The following ZCCHC8 variants were observed in gnomAD, a reference collection of about 807,000 sequenced individuals.
ZCCHC8 encodes zinc finger CCHC-type containing 8.
Under a neutral mutation model 70.6 loss-of-function variants are expected in ZCCHC8, and 27 were observed. That is an observed-to-expected ratio of 0.38 (90% confidence interval 0.28 to 0.53). The LOEUF is 0.53. Ranked by LOEUF, ZCCHC8 falls within the 20% of genes least tolerant of loss-of-function variation. The pLI, the probability that ZCCHC8 is intolerant of heterozygous loss-of-function variation, is 0.81. For missense variants in ZCCHC8, 737 were observed against 876.9 expected, an observed-to-expected ratio of 0.84 and a Z score of 2.01; for synonymous variants, 293 against 317.4, an observed-to-expected ratio of 0.92 and a Z score of 0.82.
intron 5 of ZCCHC8, among the ~76,000 whole-genome samples, chr12:122,486,970 T>A (rs1212659365): frequency 6.6e-6 from 1 of 152,218 alleles, no homozygotes; most frequent in East Asian, 1.9e-4. Flanking sequence ...AACTGAAGCC[T>A]AAGAGCACCT....
At chr12:122,498,180 C>G (rs189349993) in intron 2 of ZCCHC8, among the ~76,000 whole-genome samples, 1 of 114,414 alleles carries the variant, frequency 8.7e-6, no homozygotes, top group Admixed American at 1.0e-4. Context: ...TTTTTTCAGA[C>G]GGAGTTTCGC....
chr12:122,499,260 T>TC, intron 1 of ZCCHC8: 1 of 198,140 alleles, frequency 5.0e-6, no homozygotes, highest in East Asian at 1.5e-4. Flanking sequence ...CACTGTAGAA[T>TC]CCTTTCAACT....
intron 11 of ZCCHC8, among the ~76,000 whole-genome samples, chr12:122,478,813 G>C (rs1282475079): frequency 6.6e-6 from 1 of 152,104 alleles, no homozygotes; most frequent in African/African-American, 2.4e-5. Flanking sequence ...AAACATACAG[G>C]TTCTAGGTTT....
chr12:122,488,466 C>T (rs916205577), intron 5 of ZCCHC8, among the ~76,000 whole-genome samples: 2 of 151,882 alleles, frequency 1.3e-5, no homozygotes, highest in East Asian at 1.9e-4. Context: ...CAGATGTGAG[C>T]CACTGCACCC....
At chr12:122,498,158 CT>C (rs11449631) in intron 2 of ZCCHC8, among the ~76,000 whole-genome samples, 47 of 131,200 alleles carry the variant, frequency 3.6e-4, no homozygotes, top group Admixed American at 5.8e-4. Context: ...ATACTGTAAT[CT>C]TTTTTTTTTT....
intron 2 of ZCCHC8, among the ~76,000 whole-genome samples, chr12:122,493,607 T>A (rs1957782108): frequency 1.3e-5 from 2 of 151,050 alleles, no homozygotes; most frequent in Non-Finnish European, 3.0e-5. Flanking sequence ...TTTTTATTTT[T>A]ATTTTAATTA....
intron 4 of ZCCHC8, 111 bp from the exon 5 acceptor site, chr12:122,489,574 T>C (rs1957708889): frequency 1.1e-6 from 1 of 939,882 alleles, no homozygotes; most frequent in South Asian, 1.4e-5. Context: ...CGACATTTCA[T>C]GTGGGAGAAT....
intron 3 of ZCCHC8, chr12:122,492,387 G>T (rs1416381677): frequency 4.9e-6 from 1 of 205,756 alleles, no homozygotes; most frequent in African/African-American, 2.3e-5. Context: ...TTTATTAGAA[G>T]CTATTTATTG....
At chr12:122,475,969 T>C (rs1957409392) in intron 13 of ZCCHC8, among the ~76,000 whole-genome samples, 2 of 152,222 alleles carry the variant, frequency 1.3e-5, no homozygotes, top group African/African-American at 4.8e-5. Context: ...CTCCTCCTCA[T>C]TTCCTTGGTA....
chr12:122,487,852 T>A (rs996178131), intron 5 of ZCCHC8, among the ~76,000 whole-genome samples: 3 of 151,952 alleles, frequency 2.0e-5, no homozygotes, highest in African/African-American at 7.3e-5. Flanking sequence ...TATGTATCTA[T>A]ACATACATAT....
rs1054279508 is a variant in ZCCHC8 at position 122,491,623 on chromosome 12, G to A, written c.318-1056C>T. 1.1e-3 allele frequency among the ~76,000 whole-genome samples: 168 copies of A among 151,716 alleles called. 2 individuals are homozygous for A. Among genetic ancestry groups the A allele is most frequent in the Non-Finnish European group, 1.6e-4 (11 of 67,990 alleles). On this transcript the variant is annotated intron_variant, in intron 3 of 13. Coordinates refer to ENST00000633063, the MANE Select transcript of ZCCHC8 (RefSeq NM_017612.5). ...ATGGGTGGATCACCTGAGGTCGGGAGTTTGAGACCAGCCTGACCAACATGG... is the reference window on the plus strand; with the variant it reads ...ATGGGTGGATCACCTGAGGTCGGGAATTTGAGACCAGCCTGACCAACATGG...
At chr12:122,494,006 A>G (rs1004678405) in intron 2 of ZCCHC8, among the ~76,000 whole-genome samples, 14 of 152,206 alleles carry the variant, frequency 9.2e-5, no homozygotes, top group Non-Finnish European at 1.5e-4. Flanking sequence ...AGGGCAAAGC[A>G]TATTGTACTA....
rs757745585 is a variant in ZCCHC8 at position 122,483,328 on chromosome 12, T to C, written c.622A>G (p.Ser208Gly). 6.3e-7 allele frequency: 1 copy of C among 1,599,000 alleles called. No individual in the cohort carries two copies. Among genetic ancestry groups the C allele is most frequent in the South Asian group, 1.1e-5 (1 of 88,310 alleles). Residue 208 changes from serine (S) to glycine (G), a missense_variant, in exon 7 of 14, where the codon AGC becomes GGC. Ser to Gly is a moderately conservative substitution (Grantham distance 56). Transcript: ENST00000633063. This position sits in a 1 kb window ranked among gnomAD's most constrained non-coding sequence, Gnocchi z 4.4. Reference sequence around the variant, plus strand: ...TGCCCTTCTAGAGAAACAATGTGGCTGAAGACTTGATGGTACCTTTAGTGA... The same window carrying C: ...TGCCCTTCTAGAGAAACAATGTGGCCGAAGACTTGATGGTACCTTTAGTGA... Reference protein sequence around the residue: ...WEIPKYHQVFSHIVSLEGQEI... With the variant: ...WEIPKYHQVFGHIVSLEGQEI...
chr12:122,500,556 C>A lies in ZCCHC8; in HGVS notation c.199+86G>T. On this transcript the variant is annotated intron_variant, in intron 1 of 13. Coordinates refer to ENST00000633063, the MANE Select transcript of ZCCHC8 (RefSeq NM_017612.5). The surrounding 1 kb of genome is among the most constrained non-coding windows in gnomAD (Gnocchi z 4.8). ...CTGGAACTTCCGCCCGCGCCCTCGC[C>A]CTCGCCCGGCGCTGCCCCGGCCCCA... 1.4e-6 allele frequency: 2 copies of A among 1,428,382 alleles called. No homozygotes were observed. Among genetic ancestry groups the A allele is most frequent in the South Asian group, 1.4e-5 (1 of 71,468 alleles). The allele number at this position is 1,428,382 out of a possible 1,614,324, so 88.5% of individuals were successfully genotyped here. A position where few individuals can be genotyped will look rare whatever the true frequency, so the allele number is the denominator to read the frequency against.
At chr12:122,496,418 T>C (rs943576241) in intron 2 of ZCCHC8, among the ~76,000 whole-genome samples, 4 of 152,194 alleles carry the variant, frequency 2.6e-5, no homozygotes, top group East Asian at 1.9e-4. Context: ...GCCTATATGA[T>C]GCGGTAATCG....
chr12:122,480,471 A>C, intron 10 of ZCCHC8, 160 bp from the exon 11 acceptor site: 1 of 555,118 alleles, frequency 1.8e-6, no homozygotes, highest in Non-Finnish European at 2.8e-6. Flanking sequence ...ATTAGGACAG[A>C]ACTTTTTTTT....
intron 11 of ZCCHC8, among the ~76,000 whole-genome samples, chr12:122,479,190 T>C (rs1378531466): frequency 8.5e-5 from 13 of 152,206 alleles, no homozygotes; most frequent in African/African-American, 3.1e-4. Flanking sequence ...ATTCTTCTGC[T>C]TCAGCCTCCT....
chr12:122,474,963 G>C (rs1022636408), intron 13 of ZCCHC8, among the ~76,000 whole-genome samples: 8 of 152,018 alleles, frequency 5.3e-5, no homozygotes, highest in African/African-American at 1.9e-4. Context: ...TCGAACTCCT[G>C]ACCTCAGGTG....
Position 122,472,295 on chromosome 12 carries a change from A to C in ZCCHC8, c.*1202T>G, listed in dbSNP as rs11608711. 91,686 of 147,880 alleles carry C rather than the reference A, an allele frequency of 0.62. 28,831 individuals are homozygous for C. The highest frequency in any genetic ancestry group is 0.76 in the African/African-American group (30,662 of 40,368). 9.2% of individuals were successfully genotyped at this position (147,880 alleles called of 1,614,324 possible). ...CGACCTCGGCTCACTGCAACCTCCC[A>C]CTCCCAGGTTCAAGTGATTCTCCTG... On this transcript the variant is annotated 3_prime_UTR_variant, in exon 14 of 14. Transcript: ENST00000633063.
Sources: allele counts gnomAD v4.1 joint callset (sites outside exome capture counted in the v4.1 genomes callset), GRCh38; gene constraint gnomAD v4.1.1; non-coding constraint Gnocchi (gnomAD v3.1); transcripts MANE v1.5; gene names NCBI Gene and HGNC (gene_info 2026-07-23, HGNC 2026-07-21).